ARL5A: variants seen among roughly 807,000 people sequenced by gnomAD.
ARL5A encodes the protein ADP-ribosylation factor-like protein 5A.
In ARL5A, 18 loss-of-function variants were observed where a neutral mutation model predicts 25.9. That is an observed-to-expected ratio of 0.69 (90% CI 0.48 to 1.03). The LOEUF (loss-of-function observed/expected upper bound fraction) is 1.03, where lower values mean the gene tolerates loss of function less well. Ranked by LOEUF, ARL5A falls within the 50% of genes least tolerant of loss-of-function variation. The pLI is 0.00. For synonymous variants in ARL5A, 61 were observed against 67.5 expected, an observed-to-expected ratio of 0.90 and a Z score of 0.47; for missense variants, 170 against 211.9, an observed-to-expected ratio of 0.80 and a Z score of 1.23.
chr2:151,823,985 T>C (rs925680072), intron 1 of ARL5A, among the ~76,000 whole-genome samples: 1 of 152,204 alleles, frequency 6.6e-6, no homozygotes, highest in Non-Finnish European at 1.5e-5. Flanking sequence ...TGCAGCCTAC[T>C]GACAAAACTT....
rs202082760 is a variant in ARL5A at position 151,828,216 on chromosome 2, G to T, written c.-40C>A. The T allele has an allele frequency of 4.1e-5, 65 of 1,590,454 alleles. 1 individual carries two copies. The African/African-American group carries it at 8.3e-4, about 20-fold the overall frequency. ...CCCCCCCCCTCCAGACACCCGGGCC[G>T]CCTGGCTTCCCCCGGCTCAGGCTGA... On this transcript the variant is annotated 5_prime_UTR_variant, in exon 1 of 6. Coordinates refer to ENST00000295087, the MANE Select transcript of ARL5A (RefSeq NM_012097.4).
rs2099829276 is a variant in ARL5A, at chr2:151,800,608, C to T, written c.*2668G>A. 2 of 152,242 alleles carry T rather than the reference C, an allele frequency of 1.3e-5. No homozygotes were observed. Among genetic ancestry groups the T allele is most frequent in the African/African-American group, 4.8e-5 (2 of 41,556 alleles). The allele number at this position is 152,242 out of a possible 1,614,324, so 9.4% of individuals were successfully genotyped here. A position where few individuals can be genotyped will look rare whatever the true frequency, so the allele number is the denominator to read the frequency against. Reference sequence around the variant, plus strand: ...CTATACAACCTGCCTTCGTTGTATCCTTTGCCCATTATGAGGACCAAGAGG... The same window carrying T: ...CTATACAACCTGCCTTCGTTGTATCTTTTGCCCATTATGAGGACCAAGAGG... On this transcript the variant is annotated 3_prime_UTR_variant, in exon 6 of 6. Coordinates refer to ENST00000295087, the MANE Select transcript of ARL5A (RefSeq NM_012097.4).
intron 1 of ARL5A, among the ~76,000 whole-genome samples, chr2:151,825,244 C>T (rs917355129): frequency 6.6e-6 from 1 of 152,092 alleles, no homozygotes; most frequent in African/African-American, 2.4e-5. Context: ...GGCAACTTTT[C>T]GAAGTTCTAA....
intron 5 of ARL5A, among the ~76,000 whole-genome samples, chr2:151,806,059 T>C (rs1387041195): frequency 6.6e-6 from 1 of 152,208 alleles, no homozygotes; most frequent in East Asian, 1.9e-4. Flanking sequence ...ATGCACAGAA[T>C]TTGTTCTGAC....
At chr2:151,816,685 A>C (rs190541184) in intron 1 of ARL5A, among the ~76,000 whole-genome samples, 2 of 152,300 alleles carry the variant, frequency 1.3e-5, no homozygotes, top group South Asian at 2.1e-4. Context: ...AGAGTTCTTA[A>C]CCTGTTTTGC....
At chr2:151,807,019 T>C (rs1247319573) in intron 4 of ARL5A, 47 bp from the exon 5 acceptor site, 1 of 1,498,894 alleles carries the variant, frequency 6.7e-7, no homozygotes, top group African/African-American at 1.4e-5. Flanking sequence ...TTTCCACATA[T>C]TTTTCAACTT....
intron 2 of ARL5A, among the ~76,000 whole-genome samples, chr2:151,814,582 G>A (rs949643427): frequency 8.9e-4 from 135 of 151,758 alleles, no homozygotes; most frequent in African/African-American, 3.0e-3. Context: ...TACCCAGGCC[G>A]GAGTGTAGTG....
intron 1 of ARL5A, among the ~76,000 whole-genome samples, chr2:151,820,660 C>CAA (rs71410438): frequency 0.6 from 27,235 of 45,132 alleles, 9,632 homozygotes; most frequent in Middle Eastern, 0.78. Flanking sequence ...ATCCTGTCTC[C>CAA]AAAAAAAAAA....
At chr2:151,825,465 TAAAAC>T (rs2099832925) in intron 1 of ARL5A, among the ~76,000 whole-genome samples, 1 of 152,120 alleles carries the variant, frequency 6.6e-6, no homozygotes, top group Admixed American at 6.6e-5. Context: ...AAAAGATTGT[TAAAAC>T]ATAAAATAAA....
At chr2:151,815,914 C>G (rs1190048144) in intron 1 of ARL5A, among the ~76,000 whole-genome samples, 1 of 149,598 alleles carries the variant, frequency 6.7e-6, no homozygotes, top group East Asian at 1.9e-4. Context: ...TTTGTAAGAC[C>G]CATCTATTTC....
chr2:151,816,621 A>T (rs2099831545), intron 1 of ARL5A, among the ~76,000 whole-genome samples: 1 of 152,226 alleles, frequency 6.6e-6, no homozygotes, highest in Admixed American at 6.5e-5. Flanking sequence ...CCTATCACTC[A>T]GGGTTGTTTA....
At chr2:151,810,950 A>T (rs561022504) in intron 4 of ARL5A, among the ~76,000 whole-genome samples, 1 of 152,352 alleles carries the variant, frequency 6.6e-6, no homozygotes, top group African/African-American at 2.4e-5. Context: ...AAAAGAAAAA[A>T]AAACAAACAA....
In ARL5A at chr2:151,827,567, G is replaced by C. The variant is rs542876875; in HGVS notation, c.46+564C>G. 3 of 152,660 alleles carry C rather than the reference G, an allele frequency of 2.0e-5. 1 individual carries two copies. The highest frequency in any genetic ancestry group is 2.0e-4 in the Admixed American group (3 of 15,302). The allele number at this position is 152,660 out of a possible 1,614,324, so 9.5% of individuals were successfully genotyped here. Reference sequence around the variant, plus strand: ...ATGGAGAGAAGTCCATCTCTATTCAGGAGGCAGAAGAACCCCCCCTGCCCC... The same window carrying C: ...ATGGAGAGAAGTCCATCTCTATTCACGAGGCAGAAGAACCCCCCCTGCCCC... On this transcript the variant is annotated intron_variant, in intron 1 of 5. Coordinates refer to ENST00000295087, the MANE Select transcript of ARL5A (RefSeq NM_012097.4).
chr2:151,801,314 GT>G lies in ARL5A; in HGVS notation c.*1961del, dbSNP rs1173190889. 2.0e-5 allele frequency: 3 copies of G among 152,146 alleles called. No individual in the cohort carries two copies. The highest frequency in any genetic ancestry group is 7.2e-5 in the African/African-American group (3 of 41,448). 9.4% of individuals were successfully genotyped at this position (152,146 alleles called of 1,614,324 possible). A position where few individuals can be genotyped will look rare whatever the true frequency, so the allele number is the denominator to read the frequency against. On this transcript the variant is annotated 3_prime_UTR_variant, in exon 6 of 6. Transcript: ENST00000295087. ...TGACAAGGGAATGTGCTGATATCGT[GT>G]TAAACTGATGTGGCAGTAATCCAAG...
chr2:151,819,910 G>T (rs2099832041), intron 1 of ARL5A, among the ~76,000 whole-genome samples: 2 of 152,132 alleles, frequency 1.3e-5, no homozygotes, highest in South Asian at 4.1e-4. Context: ...AAAAAAATTA[G>T]CCTGGCATGG....
At chr2:151,817,482 A>T (rs962308387) in intron 1 of ARL5A, among the ~76,000 whole-genome samples, 3 of 152,236 alleles carry the variant, frequency 2.0e-5, no homozygotes, top group Non-Finnish European at 4.4e-5. Flanking sequence ...CAAATGGTAG[A>T]TGTTTTCCAT....
At position 151,815,125 on chromosome 2, in the gene ARL5A, T is replaced by C. The variant is rs769852401; in HGVS notation, c.107+14A>G. 3 of 1,576,082 alleles carry C rather than the reference T, an allele frequency of 1.9e-6. No homozygotes were observed. Among genetic ancestry groups the C allele is most frequent in the Admixed American group, 1.8e-5 (1 of 56,338 alleles). ...ACTAGAAATAAAATAATTTTTAAAA[T>C]AGTTAATACTTACAATTGGTAAAGA... On this transcript the variant is annotated intron_variant, in intron 2 of 5. Transcript: ENST00000295087.
intron 1 of ARL5A, among the ~76,000 whole-genome samples, chr2:151,823,754 C>T (rs569316156): frequency 2.0e-5 from 3 of 152,262 alleles, no homozygotes; most frequent in South Asian, 2.1e-4. Flanking sequence ...CCTCCCTCTT[C>T]GGTGCTGAGG....
chr2:151,819,166 A>C (rs550717695), intron 1 of ARL5A, among the ~76,000 whole-genome samples: 1 of 152,268 alleles, frequency 6.6e-6, no homozygotes, highest in Non-Finnish European at 1.5e-5. Context: ...ATATGTATAA[A>C]TAATGTACAC....
Sources: allele counts gnomAD v4.1 joint callset (sites outside exome capture counted in the v4.1 genomes callset), GRCh38; gene constraint gnomAD v4.1.1; transcripts MANE v1.5; gene names NCBI Gene and HGNC (gene_info 2026-07-23, HGNC 2026-07-21).